Variants in SDK1 observed in about 807,000 individuals in gnomAD.
SDK1 encodes sidekick cell adhesion molecule 1.
SDK1 carries 157 observed loss-of-function variants against 245.5 expected under a neutral mutation model. The ratio of observed to expected loss-of-function variants is 0.64; its 90% CI spans 0.56 to 0.73. The LOEUF is 0.73. Among genes scored for constraint, SDK1 ranks in the 30% least tolerant of loss-of-function variants. The pLI is 0.00. For missense variants in SDK1, 3,583 were observed against 3,002.3 expected, an observed-to-expected ratio of 1.19 and a Z score of -4.52; for synonymous variants, 1,647 against 1,278.5, an observed-to-expected ratio of 1.29 and a Z score of -6.15.
intron 20 of SDK1, among the ~76,000 whole-genome samples, chr7:4,072,874 A>G (rs1780348501): frequency 6.6e-6 from 1 of 152,152 alleles, no homozygotes; most frequent in African/African-American, 2.4e-5. Flanking sequence ...CTGGAATGAG[A>G]GGGAAGCACG....
chr7:3,839,273 G>A lies in SDK1; in HGVS notation c.847+17690G>A, dbSNP rs547389222. Among the ~76,000 whole-genome samples, 7 of 152,294 alleles carry A rather than the reference G, an allele frequency of 4.6e-5. No individual in the cohort carries two copies. The South Asian group carries it at 1.5e-3, about 32-fold the overall frequency. ...TGTAGAACCCTTTGCTTTCCAGACA[G>A]AGGAGAATTTCAAACATTAGGGTCG... On this transcript the variant is annotated intron_variant, in intron 5 of 44. Transcript: ENST00000404826.
In SDK1 at chr7:4,116,265, T is replaced by C. The variant is rs1880858; in HGVS notation, c.3823+1991T>C. 4.6e-4 allele frequency among the ~76,000 whole-genome samples: 70 copies of C among 152,228 alleles called. No homozygotes were observed. In the South Asian group the frequency reaches 0.014, roughly 31 times the overall value. ...CCCCCTCACCTCTTCCTAATGCTCA[T>C]CTTATCCGTGCCAGGTGCTGCAATG... On this transcript the variant is annotated intron_variant, in intron 25 of 44. Coordinates refer to ENST00000404826, the MANE Select transcript of SDK1 (RefSeq NM_152744.4).
At chr7:3,315,627 C>T (rs1464130058) in intron 1 of SDK1, among the ~76,000 whole-genome samples, 1 of 152,174 alleles carries the variant, frequency 6.6e-6, no homozygotes. Context: ...ACTTAATGTG[C>T]TTATCTCTGT....
chr7:4,158,477 G>T lies in SDK1; in HGVS notation c.4655G>T (p.Arg1552Leu). The change falls in exon 31 of 45, where the codon CGC becomes CTC. Residue 1552 changes from arginine (R) to leucine (L), a missense_variant. By Grantham distance (102) the Arg-to-Leu change is moderately radical. Transcript: ENST00000404826. ...AGGCCCTTCACCTCCTACAAGCTGC[G>T]CCTGAAAGCCACCAACGACATTGGG... ...RLRPFTSYKL[R>L]LKATNDIGDS... The T allele has an allele frequency of 1.2e-6, 2 of 1,613,680 alleles. No homozygotes were observed. The highest frequency in any genetic ancestry group is 1.7e-6 in the Non-Finnish European group (2 of 1,179,956).
chr7:3,360,433 C>T (rs1429146916), intron 1 of SDK1, among the ~76,000 whole-genome samples: 1 of 152,124 alleles, frequency 6.6e-6, no homozygotes, highest in Non-Finnish European at 1.5e-5. Flanking sequence ...TCTGGGATGT[C>T]CCACTCAGAT....
chr7:3,590,163 T>C (rs1453305473), intron 1 of SDK1, among the ~76,000 whole-genome samples: 1 of 152,246 alleles, frequency 6.6e-6, no homozygotes. Flanking sequence ...AGCCTCAGGC[T>C]GTGCTCCCAA....
intron 14 of SDK1, among the ~76,000 whole-genome samples, chr7:3,993,164 T>A (rs901039269): frequency 1.3e-5 from 2 of 152,080 alleles, no homozygotes; most frequent in African/African-American, 4.8e-5. Flanking sequence ...GTGTTAGAAA[T>A]GGAGATTTTC....
At chr7:3,789,915 G>T (rs986952559) in intron 4 of SDK1, among the ~76,000 whole-genome samples, 5 of 152,130 alleles carry the variant, frequency 3.3e-5, no homozygotes, top group African/African-American at 4.8e-5. Context: ...CTGTGTTGGG[G>T]GGTTGGGGGC....
At chr7:4,256,762 C>T (rs1051823601) in intron 44 of SDK1, among the ~76,000 whole-genome samples, 14 of 152,166 alleles carry the variant, frequency 9.2e-5, no homozygotes, top group African/African-American at 3.4e-4. Flanking sequence ...TTCTCCAGGG[C>T]CCAGGGGATA....
intron 1 of SDK1, among the ~76,000 whole-genome samples, chr7:3,354,581 A>G (rs539458092): frequency 6.6e-6 from 1 of 152,224 alleles, no homozygotes; most frequent in East Asian, 1.9e-4. Flanking sequence ...CCTGAAAGAA[A>G]ATTGTCAAAT....
intron 5 of SDK1, among the ~76,000 whole-genome samples, chr7:3,903,328 A>G (rs998010507): frequency 1.3e-5 from 2 of 151,940 alleles, no homozygotes; most frequent in Non-Finnish European, 2.9e-5. Context: ...TGTTTTTAGT[A>G]GAGACGAGGT....
intron 4 of SDK1, among the ~76,000 whole-genome samples, chr7:3,786,197 T>C (rs1391048419): frequency 6.6e-6 from 1 of 152,198 alleles, no homozygotes; most frequent in Non-Finnish European, 1.5e-5. Flanking sequence ...GTCAAAAGCA[T>C]TTATGTACTG....
At chr7:3,768,669 A>G (rs1394362853) in intron 4 of SDK1, among the ~76,000 whole-genome samples, 1 of 152,216 alleles carries the variant, frequency 6.6e-6, no homozygotes, top group Non-Finnish European at 1.5e-5. Flanking sequence ...TCACGTGTGC[A>G]TCGGGTACAG....
intron 44 of SDK1, among the ~76,000 whole-genome samples, chr7:4,247,646 T>C (rs1013790041): frequency 6.6e-6 from 1 of 152,182 alleles, no homozygotes; most frequent in Non-Finnish European, 1.5e-5. Flanking sequence ...CCAGGCACCG[T>C]GGGGGTGTCA....
chr7:3,415,890 G>T (rs1263186773), intron 1 of SDK1, among the ~76,000 whole-genome samples: 1 of 151,906 alleles, frequency 6.6e-6, no homozygotes, highest in African/African-American at 2.4e-5. Context: ...AACAAGATAG[G>T]GCAGGACTAA....
intron 4 of SDK1, among the ~76,000 whole-genome samples, chr7:3,744,696 C>G (rs891372869): frequency 3.1e-4 from 47 of 152,076 alleles, no homozygotes; most frequent in Admixed American, 5.9e-4. Context: ...CCTGTAGTCT[C>G]AGCTACTCGG....
intron 17 of SDK1, among the ~76,000 whole-genome samples, chr7:4,032,738 TAGAAA>T (rs1245450314): frequency 7.0e-4 from 106 of 151,032 alleles, no homozygotes; most frequent in African/African-American, 2.5e-3. Context: ...AGAATAACAT[TAGAAA>T]AGAAAAGAAA....
At chr7:3,844,503 C>T (rs757679643) in intron 5 of SDK1, among the ~76,000 whole-genome samples, 12 of 152,122 alleles carry the variant, frequency 7.9e-5, no homozygotes, top group Non-Finnish European at 1.5e-4. Context: ...AGGGAACTGT[C>T]GAGCTGGGCA....
intron 4 of SDK1, among the ~76,000 whole-genome samples, chr7:3,706,397 C>T (rs1391644836): frequency 2.0e-5 from 3 of 152,054 alleles, no homozygotes; most frequent in African/African-American, 7.2e-5. Flanking sequence ...TGGTCCTGGG[C>T]TTTTTTGTTG....
Sources: gnomAD v4.1 joint callset for allele counts (sites outside exome capture counted in the v4.1 genomes callset) on GRCh38, gnomAD v4.1.1 for gene constraint, MANE v1.5 for transcripts, NCBI Gene and HGNC (gene_info 2026-07-23, HGNC 2026-07-21) for gene names.